Variants in PRDM1 observed in about 807,000 individuals in gnomAD.
PRDM1 encodes PR/SET domain 1.
In PRDM1, 13 loss-of-function variants were observed where a neutral mutation model predicts 62.8. The ratio of observed to expected loss-of-function variants is 0.21; its 90% CI spans 0.13 to 0.33. The LOEUF (loss-of-function observed/expected upper bound fraction) is 0.33. PRDM1 is among the 10% of genes least tolerant of loss of function. The pLI is 1.00. For synonymous variants in PRDM1, 396 were observed against 417.6 expected (o/e 0.95, Z 0.63); for missense variants, 895 against 1,058.8 (o/e 0.85, Z 2.15).
chr6:106,050,765 A>G (rs905299349), intron 1 of PRDM1, among the ~76,000 whole-genome samples: 2 of 152,352 alleles, frequency 1.3e-5, no homozygotes, highest in East Asian at 1.9e-4. Context: ...TTGGCCATTC[A>G]TATTCTTTCT....
chr6:106,093,500 A>G (rs1774015274), intron 2 of PRDM1, among the ~76,000 whole-genome samples: 1 of 152,226 alleles, frequency 6.6e-6, no homozygotes, highest in African/African-American at 2.4e-5. Context: ...AACAAATGGC[A>G]TGATTTGTTT....
chr6:106,084,901 C>A (rs1315197149), upstream of PRDM1, among the ~76,000 whole-genome samples: 1 of 152,124 alleles, frequency 6.6e-6, no homozygotes, highest in Non-Finnish European at 1.5e-5. Flanking sequence ...CTAATCATGT[C>A]CCCTAGTGGG....
At chr6:106,042,560 C>A (rs1161970546) in intron 1 of PRDM1, among the ~76,000 whole-genome samples, 1 of 150,974 alleles carries the variant, frequency 6.6e-6, no homozygotes. Flanking sequence ...ACAACAACAA[C>A]AAAACAAAAC....
At chr6:106,011,928 C>G (rs970117428) in intron 1 of PRDM1, among the ~76,000 whole-genome samples, 1 of 151,012 alleles carries the variant, frequency 6.6e-6, no homozygotes, top group Non-Finnish European at 1.5e-5. Flanking sequence ...ACCACACACA[C>G]CACACCTCTC....
upstream of PRDM1, among the ~76,000 whole-genome samples, chr6:106,047,561 C>A (rs1582437830): frequency 6.6e-6 from 1 of 152,180 alleles, no homozygotes; most frequent in Admixed American, 6.5e-5. Context: ...GTTAGTAGGA[C>A]CTAACCAGGG....
intron 1 of PRDM1, among the ~76,000 whole-genome samples, chr6:106,004,569 C>G (rs1448737759): frequency 6.6e-6 from 1 of 151,422 alleles, no homozygotes; most frequent in Non-Finnish European, 1.5e-5. Context: ...TTCTGGTTTT[C>G]CTACAGTTCA....
chr6:106,069,821 G>A (rs560554395), intron 1 of PRDM1, among the ~76,000 whole-genome samples: 1 of 152,318 alleles, frequency 6.6e-6, no homozygotes, highest in East Asian at 1.9e-4. Context: ...CTTCGGTGAG[G>A]AGAATGGGAA....
intron 2 of PRDM1, among the ~76,000 whole-genome samples, chr6:106,090,645 G>A (rs1290379824): frequency 1.3e-5 from 2 of 152,178 alleles, no homozygotes; most frequent in African/African-American, 2.4e-5. Flanking sequence ...ATTAAGGATT[G>A]ATGAAATGTT....
intron 1 of PRDM1, among the ~76,000 whole-genome samples, chr6:106,005,070 A>T (rs76071086): frequency 6.6e-6 from 1 of 152,208 alleles, no homozygotes; most frequent in Non-Finnish European, 1.5e-5. Context: ...TGCTTGCTGC[A>T]ATCTTCTTAA....
chr6:106,052,335 T>C (rs945402914), intron 1 of PRDM1, among the ~76,000 whole-genome samples: 3 of 152,228 alleles, frequency 2.0e-5, no homozygotes, highest in African/African-American at 4.8e-5. Flanking sequence ...GTAGACTGAA[T>C]ATTTTGGCAA....
intron 1 of PRDM1, among the ~76,000 whole-genome samples, chr6:106,010,267 A>C (rs1425089854): frequency 6.6e-6 from 1 of 152,218 alleles, no homozygotes; most frequent in Non-Finnish European, 1.5e-5. Context: ...ATCCTTGCAG[A>C]ACCCCTTTTT....
chr6:106,081,844 C>G (rs1246513637), upstream of PRDM1, among the ~76,000 whole-genome samples: 2 of 152,160 alleles, frequency 1.3e-5, no homozygotes, highest in Admixed American at 1.3e-4. Flanking sequence ...TTTCCTCTTC[C>G]AAGGGGACTG....
chr6:106,082,136 C>G (rs575999249), upstream of PRDM1, among the ~76,000 whole-genome samples: 2 of 152,318 alleles, frequency 1.3e-5, no homozygotes, highest in East Asian at 1.9e-4. Context: ...GGACACCTTT[C>G]CTATTGCTCT....
At chr6:106,019,696 A>G (rs1772670064) in intron 1 of PRDM1, among the ~76,000 whole-genome samples, 1 of 144,828 alleles carries the variant, frequency 6.9e-6, no homozygotes, top group Non-Finnish European at 1.5e-5. Context: ...GCAGGAGTGC[A>G]GTGGCATGAT....
chr6:106,075,408 A>G (rs1773590715), intron 1 of PRDM1, among the ~76,000 whole-genome samples: 1 of 152,212 alleles, frequency 6.6e-6, no homozygotes, highest in African/African-American at 2.4e-5. Flanking sequence ...TTGTATTTTT[A>G]TTCTGGTGAT....
At chr6:106,084,850 T>A (rs1219169937), upstream of PRDM1, among the ~76,000 whole-genome samples, 1 of 152,148 alleles carries the variant, frequency 6.6e-6, no homozygotes, top group Non-Finnish European at 1.5e-5. Context: ...TGGCATAACA[T>A]GCAATCACAG....
chr6:106,015,689 T>C lies in PRDM1; in HGVS notation c.-67+22050T>C, dbSNP rs374597652. On this transcript the variant is annotated intron_variant, in intron 1 of 6. Coordinates refer to the PRDM1 transcript ENST00000652320. Reference sequence around the variant, plus strand: ...TCATTCTGATTTTTGAATCATGTAGTGTATTACCTATCCAAAAATGTAAAA... The same window carrying C: ...TCATTCTGATTTTTGAATCATGTAGCGTATTACCTATCCAAAAATGTAAAA... Among the ~76,000 whole-genome samples, 95 of 152,324 alleles carry C rather than the reference T, an allele frequency of 6.2e-4. 3 individuals are homozygous for C. The South Asian group carries it at 0.019, about 31-fold the overall frequency.
In PRDM1 at chr6:106,099,549, C is replaced by T; in HGVS notation, c.661C>T (p.Leu221Phe). The T allele has an allele frequency of 6.2e-7, 1 of 1,614,086 alleles. No individual in the cohort carries two copies. Among genetic ancestry groups the T allele is most frequent in the Non-Finnish European group, 8.5e-7 (1 of 1,179,976 alleles). Residue 221 changes from leucine (L) to phenylalanine (F), a missense_variant, in exon 4 of 7, where the codon CTC (leucine) becomes TTC (phenylalanine). Physicochemically the swap from Leu to Phe is conservative, Grantham distance 22 (BLOSUM62 0). Transcript: ENST00000369096. ...PYPGELTMMN[L>F]TQTQSSLKQP... The stretch of plus-strand genomic sequence containing the variant: ...TCCCGGAGAGCTGACAATGATGAAT[C>T]TCAGTAAGTGGATTACAGAACAAAA...
chr6:106,019,148 C>T (rs1187032355), intron 1 of PRDM1, among the ~76,000 whole-genome samples: 2 of 150,578 alleles, frequency 1.3e-5, no homozygotes, highest in East Asian at 3.9e-4. Flanking sequence ...CACCTATAGT[C>T]CCAGCTACTC....
Sources: allele counts gnomAD v4.1 joint callset (sites outside exome capture counted in the v4.1 genomes callset), GRCh38; gene constraint gnomAD v4.1.1; transcripts MANE v1.5; gene names NCBI Gene and HGNC (gene_info 2026-07-23, HGNC 2026-07-21).